SPPL2B: variants seen among roughly 807,000 people sequenced by gnomAD.
SPPL2B encodes signal peptide peptidase-like 2B.
In SPPL2B, 39 loss-of-function variants were observed where a neutral mutation model predicts 59.7. The observed-to-expected ratio is 0.65, with a 90% CI of 0.51 to 0.85. SPPL2B has a LOEUF of 0.85. SPPL2B is among the 40% of genes least tolerant of loss of function. The pLI is 0.00. For missense variants in SPPL2B, 865 were observed against 849.0 expected, an observed-to-expected ratio of 1.02 and a Z score of -0.23; for synonymous variants, 419 against 370.8, an observed-to-expected ratio of 1.13 and a Z score of -1.49.
At chr19:2,329,582 G>GC (rs1409978245) in intron 1 of SPPL2B, among the ~76,000 whole-genome samples, 1 of 152,100 alleles carries the variant, frequency 6.6e-6, no homozygotes, top group Non-Finnish European at 1.5e-5. Context: ...ACCTGGAGCA[G>GC]CCCCACAAAT....
In SPPL2B at chr19:2,339,117, G is replaced by A. The variant is rs1968849626; in HGVS notation, c.508G>A (p.Val170Met). The change falls in exon 5 of 15, where the codon GTG becomes ATG. Residue 170 changes from valine (V) to methionine (M), a missense_variant. Coordinates refer to ENST00000613503, the MANE Select transcript of SPPL2B (RefSeq NM_152988.3). ...GGCGCTGTATGCGCCTAAGGAGCCG[G>A]TGCTGGACTACAACATGGTCATCAT... ...RAALYAPKEP[V>M]LDYNMVIIFI... The A allele has an allele frequency of 7.0e-6, 11 of 1,581,462 alleles. No homozygotes were observed. The highest frequency in any genetic ancestry group is 8.6e-6 in the Non-Finnish European group (10 of 1,164,022).
In SPPL2B at chr19:2,353,062, C is replaced by G. The variant is rs1261165351; in HGVS notation, c.1632C>G (p.Pro544=). ...QPPSEEPATS[P]WPAEQSPKSR... ...CCAGCGAAGAACCAGCCACATCCCC[C>G]TGGCCTGCTGAGCAGTCCCCAAAAT... Residue 544 remains proline (P), a synonymous_variant, in exon 15 of 15, where the codon CCC becomes CCG. Coordinates refer to ENST00000613503, the MANE Select transcript of SPPL2B (RefSeq NM_152988.3). The G allele has an allele frequency of 1.2e-6, 2 of 1,612,108 alleles. No individual in the cohort carries two copies. Among genetic ancestry groups the G allele is most frequent in the Non-Finnish European group, 1.7e-6 (2 of 1,179,630 alleles).
At chr19:2,351,702 G>A in intron 14 of SPPL2B, 108 bp downstream of exon 14, 2 of 1,446,532 alleles carry the variant, frequency 1.4e-6, no homozygotes, top group African/African-American at 1.4e-5. Flanking sequence ...GGCCGCGACG[G>A]GGCTCAGGGT....
At position 2,340,073 on chromosome 19, in the gene SPPL2B, C is replaced by A; in HGVS notation, c.743-3C>A. On this transcript the variant is annotated splice_region_variant and splice_polypyrimidine_tract_variant and intron_variant, in intron 6 of 14. Transcript: ENST00000613503. ...CCCCGGCCTCACGGCCCTGCCCCTG[C>A]AGTGTACGTGGTCATCGGGATCTTC... The A allele has an allele frequency of 6.3e-7, 1 of 1,591,654 alleles. No homozygotes were observed. Among genetic ancestry groups the A allele is most frequent in the South Asian group, 1.1e-5 (1 of 88,642 alleles).
At chr19:2,343,005 G>A in intron 8 of SPPL2B, 1 of 584,430 alleles carries the variant, frequency 1.7e-6, no homozygotes, top group Admixed American at 2.9e-5. Flanking sequence ...CCCTGGGGTG[G>A]GGCCTGTGCC....
chr19:2,335,895 G>A (rs1173246400), intron 2 of SPPL2B, among the ~76,000 whole-genome samples: 2 of 152,276 alleles, frequency 1.3e-5, no homozygotes, highest in East Asian at 3.8e-4. Context: ...GTATGTGCCT[G>A]GACATGCTCA....
intron 9 of SPPL2B, 107 bp downstream of exon 9, chr19:2,343,399 C>T (rs1969171290): frequency 2.1e-6 from 2 of 962,002 alleles, no homozygotes; most frequent in Admixed American, 2.1e-5. Context: ...TGCTCCTGCT[C>T]ACTGCCCTGG....
chr19:2,334,486 G>C lies in SPPL2B; in HGVS notation c.67-116G>C, dbSNP rs1215129475. 6.5e-6 allele frequency: 9 copies of C among 1,394,998 alleles called. No individual in the cohort carries two copies. In the African/African-American group the frequency reaches 1.0e-4, roughly 16 times the overall value. 86.4% of individuals were successfully genotyped at this position (1,394,998 alleles called of 1,614,324 possible). ...AGGGGGAAGCATCCCAGACCACCTG[G>C]TGAACATGGGCGCCCTTCCTGGAGG... On this transcript the variant is annotated intron_variant, in intron 1 of 14. Coordinates refer to ENST00000613503, the MANE Select transcript of SPPL2B (RefSeq NM_152988.3).
At chr19:2,339,989 G>A (rs765670025) in intron 6 of SPPL2B, 23 bp downstream of exon 6, 12 of 1,551,818 alleles carry the variant, frequency 7.7e-6, no homozygotes, top group African/African-American at 1.4e-5. Context: ...GGGCGGGTGG[G>A]CCGCGGCGTG....
chr19:2,329,645 C>T (rs1446218836), intron 1 of SPPL2B, among the ~76,000 whole-genome samples: 1 of 152,224 alleles, frequency 6.6e-6, no homozygotes. Context: ...AAGGCGTCGC[C>T]GCCACCTGGC....
chr19:2,336,900 T>G (rs766694081), intron 2 of SPPL2B, among the ~76,000 whole-genome samples: 43 of 101,468 alleles, frequency 4.2e-4, no homozygotes, highest in South Asian at 1.5e-3. Context: ...TGGCTGTGGG[T>G]GTGTGTGTGT....
chr19:2,335,543 C>T lies in SPPL2B; in HGVS notation c.186+822C>T, dbSNP rs531440611. Among the ~76,000 whole-genome samples, 241 of 150,536 alleles carry T rather than the reference C, an allele frequency of 1.6e-3. 4 individuals carry two copies. The highest frequency in any genetic ancestry group is 5.3e-3 in the African/African-American group (215 of 40,800). On this transcript the variant is annotated intron_variant, in intron 2 of 14. Coordinates refer to ENST00000613503, the MANE Select transcript of SPPL2B (RefSeq NM_152988.3). ...CTCCTTTCTCACTTCATCCCTCAGG[C>T]CCTGCCTCCTTTTCCACTGCATCCC...
In SPPL2B at chr19:2,345,479, C is replaced by T. The variant is rs1202118010; in HGVS notation, c.1354+149C>T. The T allele has an allele frequency of 4.3e-6, 3 of 692,360 alleles. No homozygotes were observed. In the Admixed American group the frequency reaches 7.8e-5, roughly 18 times the overall value. 42.9% of individuals were successfully genotyped at this position (692,360 alleles called of 1,614,324 possible). ...CGTAACCATAACACCCTAACCCTAA[C>T]CCCCTGGCCACTCCGGGAGCTGGGC... On this transcript the variant is annotated intron_variant, in intron 13 of 14. Coordinates refer to ENST00000613503, the MANE Select transcript of SPPL2B (RefSeq NM_152988.3).
In SPPL2B at chr19:2,332,446, T is replaced by C. The variant is rs987932864; in HGVS notation, c.67-2156T>C. 2.0e-5 allele frequency among the ~76,000 whole-genome samples: 3 copies of C among 152,216 alleles called. No individual in the cohort carries two copies. The highest frequency in any genetic ancestry group is 7.2e-5 in the African/African-American group (3 of 41,454). On this transcript the variant is annotated intron_variant, in intron 1 of 14. Coordinates refer to ENST00000613503, the MANE Select transcript of SPPL2B (RefSeq NM_152988.3). The surrounding 1 kb of genome is among the most constrained non-coding windows in gnomAD (Gnocchi z 4.6). ...TAGCTTGGCAGAGCTGCGTCTGCAC[T>C]GTTTTCCCTTGTGGCGTTGTGGTGT...
intron 2 of SPPL2B, among the ~76,000 whole-genome samples, chr19:2,336,535 G>T (rs962710420): frequency 6.6e-6 from 1 of 151,766 alleles, no homozygotes; most frequent in African/African-American, 2.4e-5. Flanking sequence ...TTCATGTGGC[G>T]TGTGTGTATG....
intron 2 of SPPL2B, 99 bp downstream of exon 2, chr19:2,334,820 C>T (rs1490737934): frequency 9.3e-6 from 13 of 1,403,534 alleles, no homozygotes; most frequent in East Asian, 2.7e-5. Context: ...GATCCAGAGG[C>T]GAGAGGCAGG....
chr19:2,340,493 C>T (rs1195069317), intron 7 of SPPL2B: 1 of 606,072 alleles, frequency 1.6e-6, no homozygotes, highest in East Asian at 3.3e-5. Flanking sequence ...CAGCCCAGAG[C>T]TTGGCCTGGC....
chr19:2,340,432 G>C lies in SPPL2B; in HGVS notation c.839+260G>C. The C allele has an allele frequency of 4.7e-6, 3 of 636,728 alleles. No individual in the cohort carries two copies. The South Asian group carries it at 4.8e-5, about 10-fold the overall frequency. 39.4% of individuals were successfully genotyped at this position (636,728 alleles called of 1,614,324 possible). ...CCAGGAACCCTGCCCCAGGTCGCAG[G>C]CCGAACCCTGGGTTCCCCAGGGTTC... is the stretch of plus-strand genomic sequence containing the variant. On this transcript the variant is annotated intron_variant, in intron 7 of 14. Transcript: ENST00000613503.
chr19:2,344,121 T>A, intron 10 of SPPL2B, 82 bp downstream of exon 10: 3 of 312,022 alleles, frequency 9.6e-6, no homozygotes, highest in Non-Finnish European at 9.2e-6. Context: ...ACCCCCCCCA[T>A]CACCCCGCCC....
Sources: allele counts gnomAD v4.1 joint callset (sites outside exome capture counted in the v4.1 genomes callset), GRCh38; gene constraint gnomAD v4.1.1; non-coding constraint Gnocchi (gnomAD v3.1); transcripts MANE v1.5; gene names NCBI Gene and HGNC (gene_info 2026-07-23, HGNC 2026-07-21).